The following DHDH variants were observed in gnomAD, a reference collection of about 807,000 sequenced individuals.
The protein encoded by DHDH is dihydrodiol dehydrogenase.
Under a neutral mutation model 33.2 loss-of-function variants are expected in DHDH, and 29 were observed. That is an observed-to-expected ratio of 0.87 (90% CI 0.65 to 1.19). The LOEUF (loss-of-function observed/expected upper bound fraction) is 1.19. Among genes scored for constraint, DHDH ranks in the 50% most tolerant of loss-of-function variants. DHDH has a pLI of 0.00. For missense variants in DHDH, 431 were observed against 455.0 expected (o/e 0.95, Z 0.48); for synonymous variants, 201 against 187.9 (o/e 1.07, Z -0.57).
intron 4 of DHDH, among the ~76,000 whole-genome samples, chr19:48,941,067 A>G (rs140519082): frequency 6.6e-6 from 1 of 151,694 alleles, no homozygotes; most frequent in Non-Finnish European, 1.5e-5. Context: ...GCATTGGCAA[A>G]TTGGGGCTGG....
At chr19:48,938,175 C>T (rs560540721) in intron 3 of DHDH, among the ~76,000 whole-genome samples, 1 of 152,036 alleles carries the variant, frequency 6.6e-6, no homozygotes, top group East Asian at 1.9e-4. Context: ...CGGCTCACTG[C>T]AACCTCCGCT....
chr19:48,932,987 G>T (rs1162161236), upstream of DHDH, among the ~76,000 whole-genome samples: 1 of 152,108 alleles, frequency 6.6e-6, no homozygotes, highest in Non-Finnish European at 1.5e-5. Flanking sequence ...GGGGCAAGGA[G>T]GGTTTTGAAA....
rs1406949727 is a variant in DHDH, at chr19:48,933,779, G to C, written c.58G>C (p.Val20Leu). The change falls in exon 1 of 7, where the codon GTG (valine) becomes CTG (leucine). Residue 20 changes from valine (V) to leucine (L), a missense_variant. Physicochemically the swap from Val to Leu is conservative, Grantham distance 32 (BLOSUM62 1). Transcript: ENST00000221403. ...CCTCATCTCCAGCGACTTCACAGCCGTGCTGCAGACGCTGCCTCGCTCTGA... is the reference window on the plus strand; with the variant it reads ...CCTCATCTCCAGCGACTTCACAGCCCTGCTGCAGACGCTGCCTCGCTCTGA... ...VGLISSDFTAVLQTLPRSEHQ... is the reference protein window; with the variant it reads ...VGLISSDFTALLQTLPRSEHQ... The C allele has an allele frequency of 6.2e-7, 1 of 1,612,428 alleles. No individual in the cohort carries two copies. The highest frequency in any genetic ancestry group is 1.1e-5 in the South Asian group (1 of 91,090).
At chr19:48,935,305 G>C (rs1438828919) in intron 2 of DHDH, among the ~76,000 whole-genome samples, 194 bp downstream of exon 2, 1 of 152,192 alleles carries the variant, frequency 6.6e-6, no homozygotes, top group Admixed American at 6.5e-5. Context: ...ACTACACTTA[G>C]CGTTCGAGAC....
intron 3 of DHDH, among the ~76,000 whole-genome samples, chr19:48,938,980 A>G (rs1368861981): frequency 6.6e-6 from 1 of 152,040 alleles, no homozygotes; most frequent in African/African-American, 2.4e-5. Flanking sequence ...TTATTTTAAC[A>G]TAATTATCTC....
chr19:48,937,805 T>C (rs1304507342), intron 3 of DHDH, among the ~76,000 whole-genome samples: 1 of 123,814 alleles, frequency 8.1e-6, no homozygotes, highest in Non-Finnish European at 1.6e-5. Flanking sequence ...AGAGCGAGAC[T>C]GTCTTTAAAA....
At chr19:48,944,046 C>T (rs1022771192) in intron 5 of DHDH, among the ~76,000 whole-genome samples, 5 of 152,016 alleles carry the variant, frequency 3.3e-5, no homozygotes, top group Admixed American at 2.0e-4. Flanking sequence ...AAACATGGTT[C>T]ACAGACACAC....
chr19:48,939,533 C>A lies in DHDH; in HGVS notation c.451C>A (p.Arg151=). Residue 151 remains arginine, a synonymous_variant, in exon 4 of 7, where the codon CGG becomes AGG. Coordinates refer to ENST00000221403, the MANE Select transcript of DHDH (RefSeq NM_014475.4). The part of the protein sequence containing the change: ...QGTLGDLRVA[R]AEFGKNLIHV... ...AACTCTAGGAGACCTCCGGGTGGCT[C>A]GGGCAGAATTTGGGAAGAATCTCAT... is the stretch of plus-strand genomic sequence containing the variant. 6.2e-7 allele frequency: 1 copy of A among 1,614,030 alleles called. No homozygotes were observed.
In DHDH at chr19:48,939,430, C is replaced by T. The variant is rs1423596418; in HGVS notation, c.367-19C>T. The T allele has an allele frequency of 1.2e-6, 2 of 1,604,118 alleles. No individual in the cohort carries two copies. Among genetic ancestry groups the T allele is most frequent in the African/African-American group, 1.3e-5 (1 of 74,672 alleles). ...GGGATTAGAACTGGTTGGTTAACTCCTTTCCTTGTGGTCTGCAGGCCATCT... is the reference window on the plus strand; with the variant it reads ...GGGATTAGAACTGGTTGGTTAACTCTTTTCCTTGTGGTCTGCAGGCCATCT... On this transcript the variant is annotated intron_variant, in intron 3 of 6. Transcript: ENST00000221403.
chr19:48,944,517 T>C lies in DHDH; in HGVS notation c.895+10T>C. 3 of 1,590,058 alleles carry C rather than the reference T, an allele frequency of 1.9e-6. No homozygotes were observed. The South Asian group carries it at 3.4e-5, about 18-fold the overall frequency. On this transcript the variant is annotated intron_variant, in intron 6 of 6. Coordinates refer to ENST00000221403, the MANE Select transcript of DHDH (RefSeq NM_014475.4). The stretch of plus-strand genomic sequence containing the variant: ...GAGTGCCTACGCAAGGGTAAGGATA[T>C]GGATGCGGGGCAGGCGCCAGGCCTG...
intron 1 of DHDH, among the ~76,000 whole-genome samples, chr19:48,934,055 G>C (rs941973222): frequency 6.6e-6 from 1 of 152,194 alleles, no homozygotes; most frequent in African/African-American, 2.4e-5. Flanking sequence ...ACTGTACTAA[G>C]AAAAATTGTT....
intron 5 of DHDH, 104 bp downstream of exon 5, chr19:48,942,668 C>T: frequency 6.7e-7 from 1 of 1,489,012 alleles, no homozygotes; most frequent in Non-Finnish European, 9.0e-7. Flanking sequence ...AATTTCACAT[C>T]ATTGCTAAAG....
intron 1 of DHDH, 74 bp downstream of exon 1, chr19:48,933,885 T>G (rs2037737808): frequency 6.9e-7 from 1 of 1,448,698 alleles, no homozygotes; most frequent in Non-Finnish European, 9.5e-7. Context: ...AGGAGGGAGT[T>G]TAGGGTTCAG....
chr19:48,940,654 G>C (rs1350878365), intron 4 of DHDH, among the ~76,000 whole-genome samples: 1 of 152,110 alleles, frequency 6.6e-6, no homozygotes, highest in East Asian at 1.9e-4. Context: ...AGGAGTTCAA[G>C]ACCACCCTGG....
At chr19:48,942,649 T>C in intron 5 of DHDH, 85 bp downstream of exon 5, 1 of 1,511,840 alleles carries the variant, frequency 6.6e-7, no homozygotes. Context: ...GATGAGAGCT[T>C]AACCAGCCAA....
intron 2 of DHDH, 150 bp from the exon 3 acceptor site, chr19:48,935,882 G>A (rs2037765745): frequency 1.3e-6 from 1 of 754,306 alleles, no homozygotes; most frequent in Non-Finnish European, 2.0e-6. Flanking sequence ...AGAGGTAACA[G>A]CCCCTTCCTA....
At chr19:48,941,422 C>T (rs1001552289) in intron 4 of DHDH, among the ~76,000 whole-genome samples, 1 of 152,046 alleles carries the variant, frequency 6.6e-6, no homozygotes, top group African/African-American at 2.4e-5. Flanking sequence ...CACTTTGCCA[C>T]CCAGGGTAGA....
rs61742532 is a variant in DHDH, at chr19:48,936,106, G to A, written c.277G>A (p.Val93Ile). The change falls in exon 3 of 7, where the codon GTT becomes ATT. Residue 93 changes from valine (V) to isoleucine (I), a missense_variant. Physicochemically the swap from Val to Ile is conservative, Grantham distance 29. Coordinates refer to ENST00000221403, the MANE Select transcript of DHDH (RefSeq NM_014475.4). ...GCTGTGCTTGGCGGCGGGCAAGGCC[G>A]TTCTGTGCGAGAAGCCCACGGGCGT... ...VMLCLAAGKA[V>I]LCEKPTGVNA... is the part of the protein sequence containing the mutation. 5,133 of 1,611,288 alleles carry A rather than the reference G, an allele frequency of 3.2e-3. 139 individuals carry two copies. The African/African-American group carries it at 0.058, about 18-fold the overall frequency.
chr19:48,939,581 C>T lies in DHDH; in HGVS notation c.499C>T (p.Arg167Trp), dbSNP rs150679060. The change falls in exon 4 of 7, where the codon CGG (arginine) becomes TGG (tryptophan). Residue 167 changes from arginine (R) to tryptophan (W), a missense_variant. Transcript: ENST00000221403. ...NLIHVPRAVDRAQAGGALLDI... is the reference protein window; with the variant it reads ...NLIHVPRAVDWAQAGGALLDI... ...CATCCACGTTCCCCGGGCCGTAGACCGGGCCCAGGCTGGGGGGGCCCTGCT... is the reference window on the plus strand; with the variant it reads ...CATCCACGTTCCCCGGGCCGTAGACTGGGCCCAGGCTGGGGGGGCCCTGCT... 49 of 1,608,596 alleles carry T rather than the reference C, an allele frequency of 3.0e-5. No individual in the cohort carries two copies. Among genetic ancestry groups the T allele is most frequent in the African/African-American group, 1.3e-4 (10 of 74,538 alleles).
Sources: gnomAD v4.1 joint callset for allele counts (sites outside exome capture counted in the v4.1 genomes callset) on GRCh38, gnomAD v4.1.1 for gene constraint, MANE v1.5 for transcripts, NCBI Gene and HGNC (gene_info 2026-07-23, HGNC 2026-07-21) for gene names.